The following KDF1 variants were observed in gnomAD, a reference collection of about 807,000 sequenced individuals.
KDF1 encodes keratinocyte differentiation factor 1.
A neutral mutation model predicts 31.6 loss-of-function variants in KDF1; 11 were observed. The observed-to-expected ratio is 0.35, with a 90% CI of 0.22 to 0.58. The LOEUF (loss-of-function observed/expected upper bound fraction) is 0.58, where lower values mean the gene tolerates loss of function less well. Among genes scored for constraint, KDF1 ranks in the 20% least tolerant of loss-of-function variants. The pLI is 0.83. For missense variants in KDF1, 476 were observed against 549.1 expected (o/e 0.87, Z 1.33); for synonymous variants, 205 against 214.4 (o/e 0.96, Z 0.38).
chr1:26,955,463 A>G (rs1451928250), intron 1 of KDF1, among the ~76,000 whole-genome samples: 3 of 152,170 alleles, frequency 2.0e-5, no homozygotes, highest in Non-Finnish European at 2.9e-5. Flanking sequence ...TTGATTAGAT[A>G]AAAAAGCTGA....
chr1:26,952,062 G>A lies in KDF1; in HGVS notation c.319C>T (p.Arg107Trp), dbSNP rs3010109. The change falls in exon 2 of 4, where the codon CGG (arginine) becomes TGG (tryptophan). Residue 107 changes from arginine (R) to tryptophan (W), a missense_variant. Coordinates refer to ENST00000320567, the MANE Select transcript of KDF1 (RefSeq NM_152365.3). The surrounding 1 kb of genome is among the most constrained non-coding windows in gnomAD (Gnocchi z 4.1). ...GTAGACAGGCAGGGGCTGCATCCCC[G>A]CACACAGGCTCCACAGCGCTGGAGG... is the stretch of plus-strand genomic sequence containing the variant. The part of the protein sequence containing the change: ...DCLQRCGACV[R>W]GCSPCLSTED... The A allele has an allele frequency of 0.17, 271,864 of 1,612,984 alleles. 25,019 individuals are homozygous for A. The highest frequency in any genetic ancestry group is 0.27 in the Middle Eastern group (1,621 of 6,062).
chr1:26,955,306 C>A (rs1290787638), intron 1 of KDF1, among the ~76,000 whole-genome samples: 2 of 152,180 alleles, frequency 1.3e-5, no homozygotes, highest in African/African-American at 4.8e-5. Context: ...TTCCATAAGA[C>A]TTGCTATGGA....
In KDF1 at chr1:26,950,388, A is replaced by G. The variant is rs2082342045; in HGVS notation, c.1115-237T>C. Among the ~76,000 whole-genome samples the G allele has an allele frequency of 6.6e-6, 1 of 152,190 alleles. No homozygotes were observed. The highest frequency in any genetic ancestry group is 2.1e-4 in the South Asian group (1 of 4,836). ...TGTTGTCAAGGGCAAGAAGACCGCA[A>G]CAGAACCACACGGGTGTCTTTCCAG... On this transcript the variant is annotated intron_variant, in intron 3 of 3. Transcript: ENST00000320567. This position sits in a 1 kb window ranked among gnomAD's most constrained non-coding sequence, Gnocchi z 4.0.
chr1:26,956,992 C>A (rs1263851675), intron 1 of KDF1, among the ~76,000 whole-genome samples: 1 of 152,152 alleles, frequency 6.6e-6, no homozygotes, highest in Non-Finnish European at 1.5e-5. Flanking sequence ...AGTGGTGCAA[C>A]CCTAGCTCAA....
Position 26,952,908 on chromosome 1 carries a change from C to G in KDF1, c.-32-496G>C, listed in dbSNP as rs529477572. ...CTGAGGCAGGAGAATCGCTTGAACC[C>G]GGGTGGCAGAGGTTGCAGTGAGCCA... On this transcript the variant is annotated intron_variant, in intron 1 of 3. Coordinates refer to ENST00000320567, the MANE Select transcript of KDF1 (RefSeq NM_152365.3). This position sits in a 1 kb window ranked among gnomAD's most constrained non-coding sequence, Gnocchi z 4.1. Among the ~76,000 whole-genome samples the G allele has an allele frequency of 2.0e-5, 3 of 151,436 alleles. No individual in the cohort carries two copies. Among genetic ancestry groups the G allele is most frequent in the Admixed American group, 1.3e-4 (2 of 15,198 alleles).
intron 1 of KDF1, among the ~76,000 whole-genome samples, chr1:26,959,788 C>T (rs1234711574): frequency 6.6e-6 from 1 of 152,152 alleles, no homozygotes; most frequent in African/African-American, 2.4e-5. Flanking sequence ...CTCGGACACC[C>T]GGCCGGGGAG....
Position 26,951,834 on chromosome 1 carries a change from C to A in KDF1, c.547G>T (p.Asp183Tyr). ...GGCTCCTTGCAGCAGGAGTCCGCAT[C>A]AGGGGCTGGGGAGGTGGCCCTCGGG... ...PYPRATSPAP[D>Y]ADSCCKEPLA... is the part of the protein sequence containing the mutation. Residue 183 changes from aspartate (D) to tyrosine (Y), a missense_variant, in exon 2 of 4, where the codon GAT becomes TAT. Coordinates refer to ENST00000320567, the MANE Select transcript of KDF1 (RefSeq NM_152365.3). The surrounding 1 kb of genome is among the most constrained non-coding windows in gnomAD (Gnocchi z 5.4). 2 of 1,614,060 alleles carry A rather than the reference C, an allele frequency of 1.2e-6. No homozygotes were observed. Among genetic ancestry groups the A allele is most frequent in the African/African-American group, 2.7e-5 (2 of 75,032 alleles).
rs945807788 is a variant in KDF1 at position 26,949,977 on chromosome 1, T to C, written c.*92A>G. On this transcript the variant is annotated 3_prime_UTR_variant, in exon 4 of 4. Transcript: ENST00000320567. ...GCCAGAGTGGGCACTGCTTCAGGTC[T>C]AAGCCTCTCCCACAGGGGTTCCTGG... 9 of 1,353,776 alleles carry C rather than the reference T, an allele frequency of 6.6e-6. No individual in the cohort carries two copies. The highest frequency in any genetic ancestry group is 1.4e-5 in the African/African-American group (1 of 69,718). 83.9% of individuals were successfully genotyped at this position (1,353,776 alleles called of 1,614,324 possible).
Position 26,951,613 on chromosome 1 carries a change from G to A in KDF1, c.768C>T (p.Ile256=), listed in dbSNP as rs977650837. 1.4e-5 allele frequency: 22 copies of A among 1,613,550 alleles called. No individual in the cohort carries two copies. Among genetic ancestry groups the A allele is most frequent in the South Asian group, 2.2e-5 (2 of 91,080 alleles). The change falls in exon 2 of 4, where the codon ATC becomes ATT. Residue 256 remains isoleucine, a synonymous_variant. Coordinates refer to ENST00000320567, the MANE Select transcript of KDF1 (RefSeq NM_152365.3). This position sits in a 1 kb window ranked among gnomAD's most constrained non-coding sequence, Gnocchi z 5.4. Reference sequence around the variant, plus strand: ...CTGATGTGCACTTGGCCAGCTCATCGATCTGGTGTACGCTGAACAGCTCTG... The same window carrying A: ...CTGATGTGCACTTGGCCAGCTCATCAATCTGGTGTACGCTGAACAGCTCTG... The part of the protein sequence containing the change: ...KLTELFSVHQ[I]DELAKCTSDT...
rs373286149 is a variant in KDF1, at chr1:26,952,778, C to T, written c.-32-366G>A. Among the ~76,000 whole-genome samples, 21 of 152,026 alleles carry T rather than the reference C, an allele frequency of 1.4e-4. No individual in the cohort carries two copies. In the East Asian group the frequency reaches 3.5e-3, roughly 25 times the overall value. On this transcript the variant is annotated intron_variant, in intron 1 of 3. Transcript: ENST00000320567. This position sits in a 1 kb window ranked among gnomAD's most constrained non-coding sequence, Gnocchi z 4.1. ...GGCAGATCACCTGAGGTCAGGAGTTCGAGACCAACCTGACTAACATGGTGA... is the reference window on the plus strand; with the variant it reads ...GGCAGATCACCTGAGGTCAGGAGTTTGAGACCAACCTGACTAACATGGTGA...
rs1267048029 is a variant in KDF1, at chr1:26,949,907, T to G, written c.*162A>C. On this transcript the variant is annotated 3_prime_UTR_variant, in exon 4 of 4. Transcript: ENST00000320567. ...AGGAGATGTAGATCCCATGGCCCAG[T>G]GAAATGCACATGGTCCAGGAACCCA... 2 of 636,138 alleles carry G rather than the reference T, an allele frequency of 3.1e-6. No individual in the cohort carries two copies. Among genetic ancestry groups the G allele is most frequent in the Middle Eastern group, 4.5e-4 (1 of 2,240 alleles). 39.4% of individuals were successfully genotyped at this position (636,138 alleles called of 1,614,324 possible). A position where few individuals can be genotyped will look rare whatever the true frequency, so the allele number is the denominator to read the frequency against.
At chr1:26,959,617 C>G (rs895339063) in intron 1 of KDF1, among the ~76,000 whole-genome samples, 1 of 151,544 alleles carries the variant, frequency 6.6e-6, no homozygotes, top group African/African-American at 2.4e-5. Context: ...GTCAGAGGGT[C>G]CCGGCCCGCC....
At chr1:26,955,926 G>A (rs185153050) in intron 1 of KDF1, among the ~76,000 whole-genome samples, 23 of 152,344 alleles carry the variant, frequency 1.5e-4, no homozygotes, top group African/African-American at 5.3e-4. Context: ...CTGCACTCCA[G>A]CCTATGCAAC....
In KDF1 at chr1:26,949,683, G is replaced by T; in HGVS notation, c.*386C>A. 1 of 230,470 alleles carries T rather than the reference G, an allele frequency of 4.3e-6. No individual in the cohort carries two copies. Among genetic ancestry groups the T allele is most frequent in the Non-Finnish European group, 8.7e-6 (1 of 115,268 alleles). The allele number at this position is 230,470 out of a possible 1,614,324, so 14.3% of individuals were successfully genotyped here. A position where few individuals can be genotyped will look rare whatever the true frequency, so the allele number is the denominator to read the frequency against. ...CCACCCCCCAATACAATACATTTAAGATAAGCTTCTTTTAACTGTTGAATT... is the reference window on the plus strand; with the variant it reads ...CCACCCCCCAATACAATACATTTAATATAAGCTTCTTTTAACTGTTGAATT... On this transcript the variant is annotated 3_prime_UTR_variant, in exon 4 of 4. Transcript: ENST00000320567.
In KDF1 at chr1:26,950,271, G is replaced by A; in HGVS notation, c.1115-120C>T. On this transcript the variant is annotated intron_variant, in intron 3 of 3. Coordinates refer to ENST00000320567, the MANE Select transcript of KDF1 (RefSeq NM_152365.3). This position sits in a 1 kb window ranked among gnomAD's most constrained non-coding sequence, Gnocchi z 4.0. Reference sequence around the variant, plus strand: ...GTGGGACTTGAGCCTGGGTCAGTCTGATCCTGGCTGGATGACCCACTCAGT... The same window carrying A: ...GTGGGACTTGAGCCTGGGTCAGTCTAATCCTGGCTGGATGACCCACTCAGT... 1 of 891,410 alleles carries A rather than the reference G, an allele frequency of 1.1e-6. No homozygotes were observed. Among genetic ancestry groups the A allele is most frequent in the Non-Finnish European group, 1.8e-6 (1 of 551,364 alleles). The allele number at this position is 891,410 out of a possible 1,614,324, so 55.2% of individuals were successfully genotyped here.
In KDF1 at chr1:26,949,810, T is replaced by A. The variant is rs1226037120; in HGVS notation, c.*259A>T. 2.3e-6 allele frequency: 1 copy of A among 438,724 alleles called. No individual in the cohort carries two copies. Among genetic ancestry groups the A allele is most frequent in the Admixed American group, 3.6e-5 (1 of 27,632 alleles). The allele number at this position is 438,724 out of a possible 1,614,324, so 27.2% of individuals were successfully genotyped here. The stretch of plus-strand genomic sequence containing the variant: ...GTAATGCCTAACTCCTTACTTTCCA[T>A]GATCAGGCCACCTGAAGACCATGAG... On this transcript the variant is annotated 3_prime_UTR_variant, in exon 4 of 4. Coordinates refer to ENST00000320567, the MANE Select transcript of KDF1 (RefSeq NM_152365.3).
intron 1 of KDF1, among the ~76,000 whole-genome samples, chr1:26,953,951 T>C (rs1168938573): frequency 6.4e-5 from 9 of 140,970 alleles, no homozygotes; most frequent in African/African-American, 1.5e-4. Context: ...CCAGACCCTG[T>C]CTCAAAAAAA....
chr1:26,957,575 C>A (rs80137632), intron 1 of KDF1, among the ~76,000 whole-genome samples: 7,551 of 152,200 alleles, frequency 0.05, 242 homozygotes, highest in Non-Finnish European at 0.073. Context: ...GAAAAAAAGA[C>A]TTAGGCTCTA....
chr1:26,956,413 G>A (rs956110882), intron 1 of KDF1, among the ~76,000 whole-genome samples: 2 of 152,108 alleles, frequency 1.3e-5, no homozygotes, highest in African/African-American at 4.8e-5. Flanking sequence ...AGAGGAACAC[G>A]GCAGACACCA....
Sources: allele counts gnomAD v4.1 joint callset (sites outside exome capture counted in the v4.1 genomes callset), GRCh38; gene constraint gnomAD v4.1.1; non-coding constraint Gnocchi (gnomAD v3.1); transcripts MANE v1.5; gene names NCBI Gene and HGNC (gene_info 2026-07-23, HGNC 2026-07-21).